ADGRL3: variants seen among roughly 807,000 people sequenced by gnomAD.
The protein encoded by ADGRL3 is adhesion G protein-coupled receptor L3.
Under a neutral mutation model 153.5 loss-of-function variants are expected in ADGRL3, and 62 were observed. That is an observed-to-expected ratio of 0.40 (90% CI 0.33 to 0.50). The LOEUF is 0.50. ADGRL3 is among the 20% of genes least tolerant of loss of function. ADGRL3 has a pLI of 0.47. For missense variants in ADGRL3, 1,641 were observed against 1,859.4 expected, an observed-to-expected ratio of 0.88 and a Z score of 2.16; for synonymous variants, 710 against 672.5, an observed-to-expected ratio of 1.06 and a Z score of -0.86.
chr4:61,650,041 C>G (rs1278633652), intron 5 of ADGRL3, among the ~76,000 whole-genome samples: 1 of 152,028 alleles, frequency 6.6e-6, no homozygotes, highest in Non-Finnish European at 1.5e-5. Context: ...CTGGCTGTTT[C>G]CTGCTCTTTT....
chr4:61,231,477 G>A (rs1451914581), intron 1 of ADGRL3, among the ~76,000 whole-genome samples: 1 of 151,910 alleles, frequency 6.6e-6, no homozygotes, highest in Non-Finnish European at 1.5e-5. Context: ...TCCCAGTGTT[G>A]GGTCTTCATT....
At chr4:61,837,579 C>T (rs777582197) in intron 9 of ADGRL3, among the ~76,000 whole-genome samples, 18 of 152,012 alleles carry the variant, frequency 1.2e-4, no homozygotes, top group Non-Finnish European at 2.5e-4. Context: ...GACTCAGAGT[C>T]GGTATGTTCT....
intron 2 of ADGRL3, among the ~76,000 whole-genome samples, chr4:61,451,246 A>T (rs2152520361): frequency 6.6e-6 from 1 of 152,296 alleles, no homozygotes; most frequent in African/African-American, 2.4e-5. Context: ...ATAATTTGTC[A>T]GACATTCCTA....
chr4:61,783,683 A>G (rs903127642), intron 8 of ADGRL3, among the ~76,000 whole-genome samples: 1 of 152,118 alleles, frequency 6.6e-6, no homozygotes, highest in East Asian at 1.9e-4. Context: ...TGAGGAATTC[A>G]TTATTTGATT....
chr4:61,277,290 T>G (rs2093510151), intron 1 of ADGRL3, among the ~76,000 whole-genome samples: 1 of 152,120 alleles, frequency 6.6e-6, no homozygotes, highest in Non-Finnish European at 1.5e-5. Flanking sequence ...GAGCTATGAA[T>G]GCGATTTTTA....
chr4:62,068,996 C>A (rs943720364), intron 26 of ADGRL3, among the ~76,000 whole-genome samples: 3 of 152,228 alleles, frequency 2.0e-5, no homozygotes, highest in South Asian at 4.1e-4. Context: ...TAATAGAATT[C>A]TCCAATTAAT....
chr4:61,433,367 A>ATTTTTTT (rs1560625072), intron 2 of ADGRL3, among the ~76,000 whole-genome samples: 1,580 of 80,234 alleles, frequency 0.02, 17 homozygotes, highest in Non-Finnish European at 0.036. Flanking sequence ...TTTTTTTTTA[A>ATTTTTTT]AAAAAAATCA....
intron 5 of ADGRL3, among the ~76,000 whole-genome samples, chr4:61,654,122 C>T (rs1418166648): frequency 6.6e-6 from 1 of 152,184 alleles, no homozygotes; most frequent in African/African-American, 2.4e-5. Context: ...ATTATACTAA[C>T]TGCAATTTTT....
intron 1 of ADGRL3, among the ~76,000 whole-genome samples, chr4:61,205,198 T>A (rs1359464691): frequency 6.6e-6 from 1 of 152,176 alleles, no homozygotes; most frequent in Admixed American, 6.5e-5. Context: ...AACTGAATTG[T>A]TTTTCAGATT....
chr4:61,331,044 C>T (rs887163235), intron 1 of ADGRL3, among the ~76,000 whole-genome samples: 1 of 152,102 alleles, frequency 6.6e-6, no homozygotes, highest in African/African-American at 2.4e-5. Context: ...TCAAGTGGTT[C>T]CTGCTTTTGA....
intron 5 of ADGRL3, among the ~76,000 whole-genome samples, chr4:61,661,122 G>A (rs986266755): frequency 2.0e-5 from 3 of 151,930 alleles, no homozygotes; most frequent in Non-Finnish European, 4.4e-5. Context: ...TACATAACTT[G>A]TCTTGTTTCT....
intron 4 of ADGRL3, among the ~76,000 whole-genome samples, chr4:61,525,285 G>A (rs556924337): frequency 8.7e-4 from 133 of 152,066 alleles, no homozygotes; most frequent in Non-Finnish European, 1.6e-3. Context: ...TAGATGAGAG[G>A]TAGTAGAGGA....
intron 4 of ADGRL3, among the ~76,000 whole-genome samples, chr4:61,523,079 G>A (rs1352909536): frequency 6.6e-6 from 1 of 151,762 alleles, no homozygotes; most frequent in Non-Finnish European, 1.5e-5. Context: ...GTGTGTCTGT[G>A]TGTATGTACG....
intron 6 of ADGRL3, among the ~76,000 whole-genome samples, chr4:61,687,565 T>A (rs1406307350): frequency 6.6e-6 from 1 of 152,030 alleles, no homozygotes; most frequent in Non-Finnish European, 1.5e-5. Context: ...GGGTGGGATG[T>A]AAAATATACC....
chr4:61,493,559 CT>C (rs1226297467), intron 2 of ADGRL3, among the ~76,000 whole-genome samples: 3 of 152,180 alleles, frequency 2.0e-5, no homozygotes, highest in Non-Finnish European at 4.4e-5. Flanking sequence ...CAATACTCCT[CT>C]TTCACTATGG....
chr4:61,833,870 A>G (rs746725766), intron 9 of ADGRL3, among the ~76,000 whole-genome samples: 4 of 152,142 alleles, frequency 2.6e-5, no homozygotes, highest in Non-Finnish European at 5.9e-5. Flanking sequence ...AGGAGTGAAC[A>G]GGAGCAGTTT....
At chr4:61,446,357 G>T (rs2097582268) in intron 2 of ADGRL3, among the ~76,000 whole-genome samples, 1 of 152,104 alleles carries the variant, frequency 6.6e-6, no homozygotes, top group Non-Finnish European at 1.5e-5. Context: ...ATTTATTCAT[G>T]ATTTCAGGCA....
intron 2 of ADGRL3, among the ~76,000 whole-genome samples, chr4:61,444,184 C>CTTGATGTAT (rs2097556728): frequency 6.6e-6 from 1 of 152,108 alleles, no homozygotes; most frequent in African/African-American, 2.4e-5. Context: ...TTTTTCTTCA[C>CTTGATGTAT]TTGATGTATT....
intron 2 of ADGRL3, among the ~76,000 whole-genome samples, chr4:61,475,148 T>C (rs561851832): frequency 6.6e-6 from 1 of 152,316 alleles, no homozygotes; most frequent in East Asian, 1.9e-4. Flanking sequence ...AATTTTCTAA[T>C]GCTTCCTTGC....
Sources: allele counts gnomAD v4.1 joint callset (sites outside exome capture counted in the v4.1 genomes callset), GRCh38; gene constraint gnomAD v4.1.1; transcripts MANE v1.5; gene names NCBI Gene and HGNC (gene_info 2026-07-23, HGNC 2026-07-21).